The following L3MBTL2 variants were observed in gnomAD, a reference collection of about 807,000 sequenced individuals.
L3MBTL2 encodes the protein lethal(3)malignant brain tumor-like protein 2.
A neutral mutation model predicts 86.4 loss-of-function variants in L3MBTL2; 49 were observed. That is an observed-to-expected ratio of 0.57 (90% CI 0.45 to 0.72). L3MBTL2 has a LOEUF of 0.72. Among genes scored for constraint, L3MBTL2 ranks in the 30% least tolerant of loss-of-function variants. The pLI is 0.00. For missense variants in L3MBTL2, 755 were observed against 923.7 expected, an observed-to-expected ratio of 0.82 and a Z score of 2.37; for synonymous variants, 336 against 350.6, an observed-to-expected ratio of 0.96 and a Z score of 0.47.
intron 8 of L3MBTL2, 103 bp from the exon 9 acceptor site, chr22:41,223,916 TG>T: frequency 2.3e-6 from 2 of 880,198 alleles, no homozygotes; most frequent in South Asian, 3.1e-5. Context: ...TGACTGAGTG[TG>T]GGGGATAACA....
In L3MBTL2 at chr22:41,225,937, A is replaced by G. The variant is rs1225064562; in HGVS notation, c.1500A>G (p.Pro500=). The stretch of plus-strand genomic sequence containing the variant: ...AGAATGACATTGAGCTCACACCGCC[A>G]AAAGGTAAGACTAGAGAGGCCACCA... ...CQKNDIELTP[P]KGYEAQTFNW... Residue 500 remains proline (P), a synonymous_variant, in exon 12 of 17, where the codon CCA becomes CCG. Coordinates refer to ENST00000216237, the MANE Select transcript of L3MBTL2 (RefSeq NM_031488.5). This position sits in a 1 kb window ranked among gnomAD's most constrained non-coding sequence, Gnocchi z 4.1. The G allele has an allele frequency of 6.2e-7, 1 of 1,613,846 alleles. No individual in the cohort carries two copies.
At position 41,227,809 on chromosome 22, in the gene L3MBTL2, G is replaced by A. The variant is rs1353412789; in HGVS notation, c.1828G>A (p.Ala610Thr). 8 of 1,613,242 alleles carry A rather than the reference G, an allele frequency of 5.0e-6. No homozygotes were observed. Among genetic ancestry groups the A allele is most frequent in the Middle Eastern group, 1.6e-4 (1 of 6,080 alleles). Residue 610 changes from alanine (A) to threonine (T), a missense_variant, in exon 15 of 17, where the codon GCC (alanine) becomes ACC (threonine). Around this residue, in one of 3 missense-constraint regions of L3MBTL2, gnomAD observed 634 missense variants for 748.9 expected, o/e 0.85. Coordinates refer to ENST00000216237, the MANE Select transcript of L3MBTL2 (RefSeq NM_031488.5). This position sits in a 1 kb window ranked among gnomAD's most constrained non-coding sequence, Gnocchi z 6.0. ...CCCTTGTCTTTCAACAACAGAACCG[G>A]CCACACCGCTGAAGGCCAAAGAGGC... ...QLQPPVAAEP[A>T]TPLKAKEATK...
chr22:41,216,786 G>A (rs952784421), intron 4 of L3MBTL2, among the ~76,000 whole-genome samples: 5 of 152,222 alleles, frequency 3.3e-5, no homozygotes, highest in African/African-American at 7.2e-5. Context: ...ATTTAGATTG[G>A]GTGTGGCCAA....
At position 41,229,631 on chromosome 22, in the gene L3MBTL2, C is replaced by T. The variant is rs369755551; in HGVS notation, c.1980C>T (p.Ile660=). The change falls in exon 16 of 17, where the codon ATC becomes ATT. Residue 660 remains isoleucine, a synonymous_variant. Transcript: ENST00000216237. ...LEDDPQGARK[I]SSEPVPGEII... ...ACGACCCTCAGGGTGCCAGGAAGAT[C>T]TCGTCGGAGCCTGTTCCTGGCGAGA... The T allele has an allele frequency of 8.1e-6, 13 of 1,613,786 alleles. No individual in the cohort carries two copies. Among genetic ancestry groups the T allele is most frequent in the Non-Finnish European group, 9.3e-6 (11 of 1,179,990 alleles).
intron 1 of L3MBTL2, among the ~76,000 whole-genome samples, chr22:41,207,158 C>T (rs562278359): frequency 4.0e-5 from 6 of 151,772 alleles, no homozygotes; most frequent in Non-Finnish European, 7.4e-5. Context: ...AATTGGCAAC[C>T]TTTATTGAGC....
intron 2 of L3MBTL2, among the ~76,000 whole-genome samples, chr22:41,212,765 C>T (rs527443633): frequency 2.0e-5 from 3 of 151,092 alleles, no homozygotes; most frequent in Non-Finnish European, 4.4e-5. Context: ...CGTGGTGGCA[C>T]ATGCCTGTAG....
chr22:41,213,751 A>G (rs2145578618), intron 2 of L3MBTL2, 142 bp from the exon 3 acceptor site: 1 of 880,952 alleles, frequency 1.1e-6, no homozygotes, highest in Non-Finnish European at 1.8e-6. Flanking sequence ...AGTACCTCCC[A>G]TTCCTCCTCT....
intron 8 of L3MBTL2, among the ~76,000 whole-genome samples, chr22:41,222,935 C>T (rs888550849): frequency 6.6e-6 from 1 of 150,738 alleles, no homozygotes; most frequent in East Asian, 1.9e-4. Flanking sequence ...AAAAAAAAAA[C>T]AAAAACTAAC....
rs1056728468 is a variant in L3MBTL2 at position 41,225,599 on chromosome 22, G to A, written c.1357-195G>A. On this transcript the variant is annotated intron_variant, in intron 11 of 16. Coordinates refer to ENST00000216237, the MANE Select transcript of L3MBTL2 (RefSeq NM_031488.5). The surrounding 1 kb of genome is among the most constrained non-coding windows in gnomAD (Gnocchi z 4.1). ...GGCGTGGTGTTTGCTGTCTAGTGGG[G>A]AAGAGAAAGAATCCCACGCGTATGC... 3.3e-5 allele frequency among the ~76,000 whole-genome samples: 5 copies of A among 152,216 alleles called. No individual in the cohort carries two copies.
intron 3 of L3MBTL2, among the ~76,000 whole-genome samples, chr22:41,214,863 T>G (rs1278395832): frequency 6.6e-6 from 1 of 152,078 alleles, no homozygotes; most frequent in Non-Finnish European, 1.5e-5. Flanking sequence ...ATACAAAAAT[T>G]AGCCAGGCGT....
At chr22:41,220,634 G>A in intron 6 of L3MBTL2, 100 bp from the exon 7 acceptor site, 1 of 1,342,634 alleles carries the variant, frequency 7.4e-7, no homozygotes, top group Non-Finnish European at 1.0e-6. Flanking sequence ...CTCCAGCCTG[G>A]GCGACAGAGC....
chr22:41,213,473 T>G (rs1051012367), intron 2 of L3MBTL2, among the ~76,000 whole-genome samples: 13 of 122,004 alleles, frequency 1.1e-4, no homozygotes, highest in East Asian at 2.8e-4. Flanking sequence ...TTTTTTTTTT[T>G]GGGCAACAAG....
At chr22:41,222,503 T>G (rs1371669382) in intron 8 of L3MBTL2, among the ~76,000 whole-genome samples, 3 of 152,092 alleles carry the variant, frequency 2.0e-5, no homozygotes, top group Non-Finnish European at 4.4e-5. Context: ...ATGGTAAAAG[T>G]GACTCATACC....
intron 1 of L3MBTL2, among the ~76,000 whole-genome samples, chr22:41,206,345 A>G (rs2030208720): frequency 6.6e-6 from 1 of 151,714 alleles, no homozygotes; most frequent in East Asian, 1.9e-4. Flanking sequence ...GGGTGTTCCT[A>G]TGTTGCCCTG....
intron 8 of L3MBTL2, 118 bp from the exon 9 acceptor site, chr22:41,223,902 C>T (rs1163634105): frequency 2.0e-5 from 16 of 792,630 alleles, no homozygotes; most frequent in Middle Eastern, 2.7e-4. Context: ...TGCCACCTCC[C>T]GACTGACTGA....
chr22:41,227,873 A>G lies in L3MBTL2; in HGVS notation c.1888+4A>G. 6.2e-7 allele frequency: 1 copy of G among 1,611,664 alleles called. No homozygotes were observed. Among genetic ancestry groups the G allele is most frequent in the Non-Finnish European group, 8.5e-7 (1 of 1,178,606 alleles). ...AAGAAACAGTTTGGGAAGAAAAGTA[A>G]GTGCTGCACCGGTGCAGCCAGGCTG... On this transcript the variant is annotated splice_donor_region_variant and intron_variant, in intron 15 of 16. Coordinates refer to ENST00000216237, the MANE Select transcript of L3MBTL2 (RefSeq NM_031488.5). This position sits in a 1 kb window ranked among gnomAD's most constrained non-coding sequence, Gnocchi z 6.0.
chr22:41,216,484 T>C (rs1367043494), intron 4 of L3MBTL2, among the ~76,000 whole-genome samples: 1 of 152,198 alleles, frequency 6.6e-6, no homozygotes, highest in Non-Finnish European at 1.5e-5. Context: ...CTCCTACCCA[T>C]GATAATTCAA....
In L3MBTL2 at chr22:41,230,835, T is replaced by C. The variant is rs2032550397; in HGVS notation, c.*584T>C. On this transcript the variant is annotated 3_prime_UTR_variant, in exon 17 of 17. Transcript: ENST00000216237. The stretch of plus-strand genomic sequence containing the variant: ...AGGGATGTTGGGGACCCAGCTTGTC[T>C]CGGCAGCTAAGAAGCAGTGACCAGG... 6.6e-6 allele frequency: 1 copy of C among 152,340 alleles called. No homozygotes were observed. Among genetic ancestry groups the C allele is most frequent in the African/African-American group, 2.4e-5 (1 of 41,424 alleles). The allele number at this position is 152,340 out of a possible 1,614,324, so 9.4% of individuals were successfully genotyped here.
At chr22:41,219,721 C>A (rs1382452945) in intron 6 of L3MBTL2, among the ~76,000 whole-genome samples, 185 bp downstream of exon 6, 1 of 152,062 alleles carries the variant, frequency 6.6e-6, no homozygotes, top group East Asian at 1.9e-4. Flanking sequence ...GCTTGGAAAC[C>A]CCAAATTTTT....
Sources: gnomAD v4.1 joint callset for allele counts (sites outside exome capture counted in the v4.1 genomes callset) on GRCh38, gnomAD v4.1.1 for gene constraint, gnomAD v4.1.1 regional missense constraint, Gnocchi (gnomAD v3.1) non-coding constraint, MANE v1.5 for transcripts, NCBI Gene and HGNC (gene_info 2026-07-23, HGNC 2026-07-21) for gene names.